The following NCAM1 variants were observed in gnomAD, a reference collection of about 807,000 sequenced individuals.
The protein encoded by NCAM1 is neural cell adhesion molecule 1, also known as antigen recognized by monoclonal antibody 5.1H11.
Under a neutral mutation model 109.8 loss-of-function variants are expected in NCAM1, and 14 were observed. That is an observed-to-expected ratio of 0.13 (90% CI 0.08 to 0.20). The LOEUF is 0.20. Ranked by LOEUF, NCAM1 falls within the 10% of genes least tolerant of loss-of-function variation. The pLI is 1.00. For synonymous variants in NCAM1, 418 were observed against 442.9 expected, an observed-to-expected ratio of 0.94 and a Z score of 0.70; for missense variants, 774 against 1,109.9, an observed-to-expected ratio of 0.70 and a Z score of 4.30.
chr11:113,106,087 A>G (rs1341380300), intron 1 of NCAM1, among the ~76,000 whole-genome samples: 2 of 152,184 alleles, frequency 1.3e-5, no homozygotes, highest in Non-Finnish European at 2.9e-5. Context: ...ATAGTAGTCA[A>G]CTACCAAACA....
At chr11:113,091,008 T>C (rs1293525398) in intron 1 of NCAM1, among the ~76,000 whole-genome samples, 2 of 152,122 alleles carry the variant, frequency 1.3e-5, no homozygotes, top group South Asian at 2.1e-4. Context: ...AAAGTGGTAA[T>C]AGGGAAAAGA....
Position 113,233,064 on chromosome 11 carries a change from C to A in NCAM1, c.1523-83C>A. 7.3e-7 allele frequency: 1 copy of A among 1,365,346 alleles called. No individual in the cohort carries two copies. Among genetic ancestry groups the A allele is most frequent in the Non-Finnish European group, 1.0e-6 (1 of 988,030 alleles). 84.6% of individuals were successfully genotyped at this position (1,365,346 alleles called of 1,614,324 possible). On this transcript the variant is annotated intron_variant, in intron 12 of 19. Transcript: ENST00000316851. The surrounding 1 kb of genome is among the most constrained non-coding windows in gnomAD (Gnocchi z 4.5). ...GATTCCCAAGAGTGAGCAGAAATGA[C>A]AGAGATGTGCCTTGTGACTGAGAGT...
At chr11:113,018,240 A>G (rs1398407639) in intron 1 of NCAM1, among the ~76,000 whole-genome samples, 3 of 152,040 alleles carry the variant, frequency 2.0e-5, no homozygotes, top group African/African-American at 7.2e-5. Context: ...TCAAGTATAC[A>G]GTCCTGTACT....
At chr11:113,262,374 A>G (rs1406302289) in intron 17 of NCAM1, among the ~76,000 whole-genome samples, 2 of 152,200 alleles carry the variant, frequency 1.3e-5, no homozygotes, top group African/African-American at 4.8e-5. Flanking sequence ...CTAGAAGACA[A>G]TACACTTGCT....
chr11:113,126,330 C>T (rs1941178093), intron 1 of NCAM1, among the ~76,000 whole-genome samples: 1 of 150,684 alleles, frequency 6.6e-6, no homozygotes, highest in South Asian at 2.1e-4. Context: ...GGTCTCTGTG[C>T]CACTCAGAGA....
At chr11:113,254,928 C>A (rs1437274551) in intron 15 of NCAM1, among the ~76,000 whole-genome samples, 1 of 152,192 alleles carries the variant, frequency 6.6e-6, no homozygotes, top group Non-Finnish European at 1.5e-5. Flanking sequence ...TATATTAATG[C>A]AATTGTTTCT....
intron 1 of NCAM1, among the ~76,000 whole-genome samples, chr11:113,125,122 G>A (rs1048344328): frequency 5.3e-5 from 8 of 152,162 alleles, no homozygotes; most frequent in African/African-American, 1.7e-4. Context: ...TGCCACCCTC[G>A]TATTCTGAAG....
intron 1 of NCAM1, among the ~76,000 whole-genome samples, chr11:113,023,924 G>GA (rs566002817): frequency 3.1e-4 from 46 of 150,630 alleles, no homozygotes; most frequent in Admixed American, 5.3e-4. Context: ...AAAAAAAAAG[G>GA]AAAAAAAAAT....
rs542915975 is a variant in NCAM1 at position 113,008,292 on chromosome 11, T to C, written c.52+46628T>C. Among the ~76,000 whole-genome samples, 20 of 152,254 alleles carry C rather than the reference T, an allele frequency of 1.3e-4. No individual in the cohort carries two copies. In the South Asian group the frequency reaches 4.1e-3, roughly 32 times the overall value. On this transcript the variant is annotated intron_variant, in intron 1 of 19. Coordinates refer to ENST00000316851, the MANE Select transcript of NCAM1 (RefSeq NM_181351.5). ...TACTGGCTTTCAGAATAATCACAGA[T>C]AGGGGGGCAGGGGTCACATGGCCAT...
At chr11:113,266,722 G>A (rs1400358436) in intron 17 of NCAM1, among the ~76,000 whole-genome samples, 1 of 152,122 alleles carries the variant, frequency 6.6e-6, no homozygotes, top group Non-Finnish European at 1.5e-5. Flanking sequence ...TGAGTTTAAA[G>A]GTATTTGTCA....
chr11:113,049,295 C>G (rs781913703), intron 1 of NCAM1, among the ~76,000 whole-genome samples: 2 of 152,174 alleles, frequency 1.3e-5, no homozygotes, highest in African/African-American at 4.8e-5. Context: ...CTGGCCTTCA[C>G]TCCAAGCTGT....
intron 14 of NCAM1, among the ~76,000 whole-genome samples, chr11:113,236,491 T>C (rs1945171453): frequency 6.6e-6 from 1 of 152,214 alleles, no homozygotes; most frequent in South Asian, 2.1e-4. Flanking sequence ...CGTCTGTAGG[T>C]TACTCCAAGA....
rs566769867 is a variant in NCAM1 at position 113,210,689 on chromosome 11, C to T, written c.916+2687C>T. On this transcript the variant is annotated intron_variant, in intron 7 of 19. Coordinates refer to ENST00000316851, the MANE Select transcript of NCAM1 (RefSeq NM_181351.5). Reference sequence around the variant, plus strand: ...GAGGGAAGAGAGTGGGTCAGGTCGACGGGAGGAGGTCAAAAGGCAGAAACT... The same window carrying T: ...GAGGGAAGAGAGTGGGTCAGGTCGATGGGAGGAGGTCAAAAGGCAGAAACT... Among the ~76,000 whole-genome samples, 38 of 151,142 alleles carry T rather than the reference C, an allele frequency of 2.5e-4. 1 individual carries two copies. The highest frequency in any genetic ancestry group is 3.4e-3 in the Middle Eastern group (1 of 292).
At chr11:112,967,013 T>C (rs961351643) in intron 1 of NCAM1, among the ~76,000 whole-genome samples, 1 of 152,250 alleles carries the variant, frequency 6.6e-6, no homozygotes, top group Non-Finnish European at 1.5e-5. Flanking sequence ...TTCTATTTTC[T>C]TCCATATATA....
chr11:113,250,941 A>G (rs1311708368), intron 15 of NCAM1, among the ~76,000 whole-genome samples: 1 of 151,480 alleles, frequency 6.6e-6, no homozygotes, highest in African/African-American at 2.4e-5. Context: ...GGGATTACAG[A>G]CGCATGCCAC....
At chr11:113,174,854 C>G (rs1555106770) in intron 1 of NCAM1, among the ~76,000 whole-genome samples, 1 of 152,146 alleles carries the variant, frequency 6.6e-6, no homozygotes, top group South Asian at 2.1e-4. Context: ...CCAGAGGAGA[C>G]TTTTGGGGAG....
chr11:113,088,503 G>C (rs58416671), intron 1 of NCAM1, among the ~76,000 whole-genome samples: 2 of 150,396 alleles, frequency 1.3e-5, no homozygotes, highest in African/African-American at 4.9e-5. Flanking sequence ...ATGTATCCCC[G>C]CTGCCCCTGC....
intron 14 of NCAM1, chr11:113,242,714 A>G (rs1313297871): frequency 2.8e-6 from 3 of 1,088,438 alleles, no homozygotes; most frequent in Admixed American, 1.7e-5. Flanking sequence ...ATACTCACCC[A>G]TGTATGTATA....
rs1248165369 is a variant in NCAM1 at position 113,275,542 on chromosome 11, A to G, written c.*155A>G. On this transcript the variant is annotated 3_prime_UTR_variant, in exon 20 of 20. Transcript: ENST00000316851. ...TTCTCTAGTGTCTTTTGCCTTTAAA[A>G]AAAACTAAACAGATAAAACATGGGA... 4 of 1,000,858 alleles carry G rather than the reference A, an allele frequency of 4.0e-6. No individual in the cohort carries two copies. The highest frequency in any genetic ancestry group is 1.6e-5 in the African/African-American group (1 of 60,722). 62.0% of individuals were successfully genotyped at this position (1,000,858 alleles called of 1,614,324 possible). A position where few individuals can be genotyped will look rare whatever the true frequency, so the allele number is the denominator to read the frequency against.
Sources: gnomAD v4.1 joint callset for allele counts (sites outside exome capture counted in the v4.1 genomes callset) on GRCh38, gnomAD v4.1.1 for gene constraint, Gnocchi (gnomAD v3.1) non-coding constraint, MANE v1.5 for transcripts, NCBI Gene and HGNC (gene_info 2026-07-23, HGNC 2026-07-21) for gene names.